The following POLQ variants were observed in gnomAD, a reference collection of about 807,000 sequenced individuals.
The protein encoded by POLQ is DNA polymerase theta, also known as epididymis secretory sperm binding protein.
Under a neutral mutation model 259.2 loss-of-function variants are expected in POLQ, and 233 were observed. The ratio of observed to expected loss-of-function variants is 0.90; its 90% CI spans 0.81 to 1.00. The LOEUF is 1.00. Ranked by LOEUF, POLQ falls within the 50% of genes least tolerant of loss-of-function variation. The pLI is 0.00. For synonymous variants in POLQ, 1,025 were observed against 1,048.8 expected, an observed-to-expected ratio of 0.98 and a Z score of 0.44; for missense variants, 2,871 against 3,051.6, an observed-to-expected ratio of 0.94 and a Z score of 1.39.
chr3:121,520,139 G>T, intron 8 of POLQ, 56 bp from the exon 9 acceptor site: 1 of 963,226 alleles, frequency 1.0e-6, no homozygotes, highest in Non-Finnish European at 1.6e-6. Flanking sequence ...TATTATACGT[G>T]TTCACTTACA....
intron 27 of POLQ, among the ~76,000 whole-genome samples, chr3:121,437,338 G>GA (rs2047552190): frequency 6.6e-6 from 1 of 151,990 alleles, no homozygotes; most frequent in Non-Finnish European, 1.5e-5. Flanking sequence ...AAATTGATAA[G>GA]AAAAAATGCA....
At chr3:121,457,686 T>C (rs1275358909) in intron 25 of POLQ, among the ~76,000 whole-genome samples, 1 of 152,202 alleles carries the variant, frequency 6.6e-6, no homozygotes, top group Non-Finnish European at 1.5e-5. Flanking sequence ...CACAATGAGA[T>C]ACCATCTCAT....
intron 22 of POLQ, among the ~76,000 whole-genome samples, chr3:121,469,930 C>T (rs1361997988): frequency 2.6e-5 from 4 of 151,898 alleles, no homozygotes; most frequent in African/African-American, 7.3e-5. Flanking sequence ...TTGTTCTTTA[C>T]GAACAAATAA....
intron 27 of POLQ, among the ~76,000 whole-genome samples, chr3:121,436,745 G>GA (rs1215496693): frequency 6.6e-6 from 1 of 151,840 alleles, no homozygotes; most frequent in Non-Finnish European, 1.5e-5. Context: ...GAGCCCTGCA[G>GA]GTATGGAGCC....
rs1560108641 is a variant in POLQ, at chr3:121,533,073, A to G, written c.877T>C (p.Leu293=). 1 of 1,614,070 alleles carries G rather than the reference A, an allele frequency of 6.2e-7. No individual in the cohort carries two copies. Among genetic ancestry groups the G allele is most frequent in the Non-Finnish European group, 8.5e-7 (1 of 1,179,984 alleles). ...GAATTTCCAACTTTTACTGACTCCA[A>G]AAGCGGTACAGGGCGAAAGTCGGTA... ...YHTDFRPVPL[L]ESVKVGNSIY... is the part of the protein sequence containing the mutation. The change falls in exon 6 of 30, where the codon TTG becomes CTG. Residue 293 remains leucine, a synonymous_variant. Coordinates refer to ENST00000264233, the MANE Select transcript of POLQ (RefSeq NM_199420.4).
Position 121,488,892 on chromosome 3 carries a change from T to A in POLQ, c.4039A>T (p.Thr1347Ser). 2 of 1,614,190 alleles carry A rather than the reference T, an allele frequency of 1.2e-6. No homozygotes were observed. The highest frequency in any genetic ancestry group is 1.7e-6 in the Non-Finnish European group (2 of 1,180,006). The change falls in exon 16 of 30, where the codon ACC becomes TCC. Residue 1347 changes from threonine to serine, a missense_variant. Around this residue, in one of 3 missense-constraint regions of POLQ, gnomAD observed 2,080 missense variants for 2,126.0 expected, o/e 0.98. Transcript: ENST00000264233. Reference protein sequence around the residue: ...TENAKLGAKDTNLAAGIMQKS... With the variant: ...TENAKLGAKDSNLAAGIMQKS... ...TGCATTATCCCTGCTGCCAGGTTGG[T>A]GTCCTTTGCTCCTAGTTTGGCATTT...
intron 1 of POLQ, among the ~76,000 whole-genome samples, chr3:121,545,226 G>A (rs755175202): frequency 6.6e-6 from 1 of 152,158 alleles, no homozygotes; most frequent in Non-Finnish European, 1.5e-5. Flanking sequence ...AGTTAGGTGA[G>A]TTTCTATTTA....
chr3:121,495,733 CAGCTACTCGGGAGGCT>C (rs2048113956), intron 14 of POLQ, among the ~76,000 whole-genome samples: 1 of 151,158 alleles, frequency 6.6e-6, no homozygotes, highest in African/African-American at 2.4e-5. Flanking sequence ...CCTGTAGTCC[CAGCTACTCGGGAGGCT>C]GAGGCAGCAG....
Position 121,466,551 on chromosome 3 carries a change from A to G in POLQ, c.6967+968T>C, listed in dbSNP as rs535574352. On this transcript the variant is annotated intron_variant, in intron 24 of 29. Coordinates refer to ENST00000264233, the MANE Select transcript of POLQ (RefSeq NM_199420.4). Reference sequence around the variant, plus strand: ...ACTAAAAATACAAAATTAGCCAGGCATGGTGGCCCATGCTTGTAATCCCAG... The same window carrying G: ...ACTAAAAATACAAAATTAGCCAGGCGTGGTGGCCCATGCTTGTAATCCCAG... Among the ~76,000 whole-genome samples, 92 of 152,034 alleles carry G rather than the reference A, an allele frequency of 6.1e-4. 1 individual carries two copies. The highest frequency in any genetic ancestry group is 3.3e-3 in the South Asian group (16 of 4,816).
In POLQ at chr3:121,529,668, T is replaced by C. The variant is rs533307080; in HGVS notation, c.1085A>G (p.Tyr362Cys). 5.6e-6 allele frequency: 9 copies of C among 1,613,664 alleles called. No homozygotes were observed. The African/African-American group carries it at 1.2e-4, about 22-fold the overall frequency. ...KLADIIAREF[Y>C]NLHHQAEGLV... ...ACCCTCAGCTTGATGATGTAGATTA[T>C]AAAACTCTCGAGCAATGATATCTGC... is the stretch of plus-strand genomic sequence containing the variant. Residue 362 changes from tyrosine (Y) to cysteine (C), a missense_variant, in exon 7 of 30, where the codon TAT (tyrosine) becomes TGT (cysteine). Tyr to Cys is a radical substitution (Grantham distance 194, BLOSUM62 -2). Around this residue, in one of 3 missense-constraint regions of POLQ, gnomAD observed 783 missense variants for 906.2 expected, o/e 0.86. Coordinates refer to ENST00000264233, the MANE Select transcript of POLQ (RefSeq NM_199420.4).
intron 17 of POLQ, 23 bp from the exon 18 acceptor site, chr3:121,483,605 GA>G (rs2047988197): frequency 1.5e-6 from 2 of 1,311,686 alleles, no homozygotes; most frequent in East Asian, 2.5e-5. Context: ...AAAAAAAAAG[GA>G]AAAAACATTT....
Position 121,432,435 on chromosome 3 carries a change from GT to G in POLQ, c.7660-19del. The G allele has an allele frequency of 1.3e-6, 2 of 1,596,680 alleles. No individual in the cohort carries two copies. The highest frequency in any genetic ancestry group is 1.7e-6 in the Non-Finnish European group (2 of 1,173,946). On this transcript the variant is annotated intron_variant, in intron 29 of 29. Coordinates refer to ENST00000264233, the MANE Select transcript of POLQ (RefSeq NM_199420.4). The stretch of plus-strand genomic sequence containing the variant: ...TGAGCTACCTAAGGAAAAAAAAAAT[GT>G]AGTTAACAAACTGCCCAGTCAAAGA...
chr3:121,522,284 C>CCTT (rs2048342413), intron 7 of POLQ, 135 bp from the exon 8 acceptor site: 1 of 56,038 alleles, frequency 1.8e-5, no homozygotes, highest in African/African-American at 6.1e-5. Flanking sequence ...CCCTGGAGAT[C>CCTT]TTTTTTTTTT....
intron 2 of POLQ, 107 bp from the exon 3 acceptor site, chr3:121,541,586 C>A: frequency 1.0e-6 from 1 of 967,944 alleles, no homozygotes; most frequent in Non-Finnish European, 1.5e-6. Flanking sequence ...TAAGGCTAAC[C>A]AATCACTAAG....
At chr3:121,500,795 GAAA>G (rs558943647) in intron 12 of POLQ, among the ~76,000 whole-genome samples, 1 of 151,630 alleles carries the variant, frequency 6.6e-6, no homozygotes, top group Non-Finnish European at 1.5e-5. Flanking sequence ...TAAAACTGAA[GAAA>G]AAAAATCTTG....
Position 121,476,718 on chromosome 3 carries a change from A to G in POLQ, c.6227T>C (p.Val2076Ala). 6.3e-7 allele frequency: 1 copy of G among 1,598,648 alleles called. No individual in the cohort carries two copies. Among genetic ancestry groups the G allele is most frequent in the East Asian group, 2.2e-5 (1 of 44,684 alleles). Residue 2076 changes from valine to alanine, a missense_variant, in exon 20 of 30, where the codon GTG becomes GCG. Physicochemically the swap from Val to Ala is moderately conservative, Grantham distance 64. Coordinates refer to ENST00000264233, the MANE Select transcript of POLQ (RefSeq NM_199420.4). Reference sequence around the variant, plus strand: ...CAAGCAGTACTGAGAGGGCATTTCCACCTTACGGAAAACATCTGGAAGAAA... The same window carrying G: ...CAAGCAGTACTGAGAGGGCATTTCCGCCTTACGGAAAACATCTGGAAGAAA... ...KENLQDVFRK[V>A]EMPSQYCLAL...
At chr3:121,501,110 C>A (rs1432231510) in intron 12 of POLQ, among the ~76,000 whole-genome samples, 1 of 151,912 alleles carries the variant, frequency 6.6e-6, no homozygotes, top group Non-Finnish European at 1.5e-5. Flanking sequence ...ACTACAGATG[C>A]ATACCACCAC....
chr3:121,443,710 G>A (rs2047611730), intron 26 of POLQ, among the ~76,000 whole-genome samples: 1 of 152,020 alleles, frequency 6.6e-6, no homozygotes, highest in African/African-American at 2.4e-5. Flanking sequence ...ATGTTTTCTT[G>A]TAGCAGTTGC....
chr3:121,464,987 C>A (rs903429810), intron 24 of POLQ, among the ~76,000 whole-genome samples: 1 of 151,802 alleles, frequency 6.6e-6, no homozygotes, highest in Non-Finnish European at 1.5e-5. Context: ...CAAATTAATA[C>A]TTCTAAAAAA....
Sources: allele counts gnomAD v4.1 joint callset (sites outside exome capture counted in the v4.1 genomes callset), GRCh38; gene constraint gnomAD v4.1.1; regional missense constraint gnomAD v4.1.1; transcripts MANE v1.5; gene names NCBI Gene and HGNC (gene_info 2026-07-23, HGNC 2026-07-21).